HIVEP2: variants seen among roughly 807,000 people sequenced by gnomAD.
HIVEP2 encodes HIVEP zinc finger 2.
HIVEP2 carries 14 observed loss-of-function variants against 180.7 expected under a neutral mutation model. The ratio of observed to expected loss-of-function variants is 0.08; its 90% CI spans 0.05 to 0.12. The LOEUF (loss-of-function observed/expected upper bound fraction) is 0.12, where lower values mean the gene tolerates loss of function less well. Ranked by LOEUF, HIVEP2 falls within the 10% of genes least tolerant of loss-of-function variation. HIVEP2 has a pLI of 1.00. For synonymous variants in HIVEP2, 1,184 were observed against 1,136.4 expected, an observed-to-expected ratio of 1.04 and a Z score of -0.84; for missense variants, 2,579 against 3,008.5, an observed-to-expected ratio of 0.86 and a Z score of 3.34.
chr6:142,820,188 C>T (rs1194662822), intron 2 of HIVEP2, among the ~76,000 whole-genome samples: 1 of 152,146 alleles, frequency 6.6e-6, no homozygotes, highest in African/African-American at 2.4e-5. Flanking sequence ...TATTACTGAT[C>T]TAACCTTCAT....
rs374054310 is a variant in HIVEP2 at position 142,911,114 on chromosome 6, T to C, written c.-641+33985A>G. Among the ~76,000 whole-genome samples the C allele has an allele frequency of 1.5e-3, 183 of 119,294 alleles. 1 individual carries two copies. The South Asian group carries it at 0.043, about 28-fold the overall frequency. 78.3% of individuals were successfully genotyped at this position (119,294 alleles called of 152,430 possible). A position where few individuals can be genotyped will look rare whatever the true frequency, so the allele number is the denominator to read the frequency against. On this transcript the variant is annotated intron_variant, in intron 1 of 9. Transcript: ENST00000367603. Reference sequence around the variant, plus strand: ...TCTACCCAGAGAGTTTCCACTTTAATATGGAAGACAAAGCACAAACACATT... The same window carrying C: ...TCTACCCAGAGAGTTTCCACTTTAACATGGAAGACAAAGCACAAACACATT...
chr6:142,776,712 T>C (rs1411777419), intron 3 of HIVEP2, among the ~76,000 whole-genome samples: 1 of 152,102 alleles, frequency 6.6e-6, no homozygotes, highest in East Asian at 1.9e-4. Flanking sequence ...TTGTATTTTG[T>C]TGTAGAGATG....
chr6:142,924,014 GTCT>G (rs1306162714), intron 1 of HIVEP2, among the ~76,000 whole-genome samples: 1 of 152,188 alleles, frequency 6.6e-6, no homozygotes, highest in African/African-American at 2.4e-5. Context: ...TTTGCTAAAT[GTCT>G]TCTTTTATAA....
rs538609269 is a variant in HIVEP2 at position 142,875,257 on chromosome 6, A to G, written c.-640-38210T>C. On this transcript the variant is annotated intron_variant, in intron 1 of 9. Transcript: ENST00000367603. Reference sequence around the variant, plus strand: ...TGCCAGCAGGAAAAGCAGTAAGTGCAAAGACAGGGACAAAAACAAGCTCAG... The same window carrying G: ...TGCCAGCAGGAAAAGCAGTAAGTGCGAAGACAGGGACAAAAACAAGCTCAG... Among the ~76,000 whole-genome samples, 135 of 152,192 alleles carry G rather than the reference A, an allele frequency of 8.9e-4. 1 individual carries two copies. Among genetic ancestry groups the G allele is most frequent in the Non-Finnish European group, 9.3e-4 (63 of 68,032 alleles).
rs553530964 is a variant in HIVEP2, at chr6:142,889,577, T to C, written c.-640-52530A>G. On this transcript the variant is annotated intron_variant, in intron 1 of 9. Transcript: ENST00000367603. ...AATCAAAGAAAACTGAATTCAACAA[T>C]AGTCTTATCAAATCTTAGGCAATTA... 4.6e-5 allele frequency among the ~76,000 whole-genome samples: 7 copies of C among 152,224 alleles called. No homozygotes were observed. In the East Asian group the frequency reaches 1.4e-3, roughly 29 times the overall value.
In HIVEP2 at chr6:142,792,932, A is replaced by C. The variant is rs989040398; in HGVS notation, c.-527-9317T>G. Reference sequence around the variant, plus strand: ...AAAAGAAACTGAGGAGTCCCTTCTTAATATCTCAGAAAAGTAGAAGGTGAG... The same window carrying C: ...AAAAGAAACTGAGGAGTCCCTTCTTCATATCTCAGAAAAGTAGAAGGTGAG... On this transcript the variant is annotated intron_variant, in intron 2 of 9. Transcript: ENST00000367603. Among the ~76,000 whole-genome samples, 46 of 152,212 alleles carry C rather than the reference A, an allele frequency of 3.0e-4. 1 individual carries two copies. Among genetic ancestry groups the C allele is most frequent in the South Asian group, 2.3e-3 (11 of 4,826 alleles).
chr6:142,826,325 C>T (rs1346814310), intron 2 of HIVEP2, among the ~76,000 whole-genome samples: 2 of 152,162 alleles, frequency 1.3e-5, no homozygotes, highest in Non-Finnish European at 2.9e-5. Context: ...TATCACTACA[C>T]TCAGGTTTAC....
chr6:142,813,068 T>C (rs1055267833), intron 2 of HIVEP2, among the ~76,000 whole-genome samples: 1 of 152,166 alleles, frequency 6.6e-6, no homozygotes, highest in Non-Finnish European at 1.5e-5. Flanking sequence ...AAAAAAAGTG[T>C]TTATTTTTGT....
chr6:142,763,837 C>A (rs1487141827), intron 7 of HIVEP2, among the ~76,000 whole-genome samples: 2 of 152,092 alleles, frequency 1.3e-5, no homozygotes, highest in Non-Finnish European at 2.9e-5. Context: ...TTACATAGAT[C>A]TTTTTAATAA....
chr6:142,918,374 CA>C (rs1418281342), intron 1 of HIVEP2, among the ~76,000 whole-genome samples: 4 of 152,148 alleles, frequency 2.6e-5, no homozygotes, highest in African/African-American at 9.7e-5. Flanking sequence ...TAAACGAACT[CA>C]AGAGTTAAAA....
intron 2 of HIVEP2, among the ~76,000 whole-genome samples, chr6:142,804,471 G>C (rs1048469686): frequency 6.6e-6 from 1 of 151,952 alleles, no homozygotes; most frequent in Non-Finnish European, 1.5e-5. Context: ...GCTTGCTGAA[G>C]ACAAGAAAGA....
Position 142,773,223 on chromosome 6 carries a change from G to C in HIVEP2, c.1516C>G (p.Gln506Glu). 1 of 1,614,160 alleles carries C rather than the reference G, an allele frequency of 6.2e-7. No homozygotes were observed. The highest frequency in any genetic ancestry group is 8.5e-7 in the Non-Finnish European group (1 of 1,180,006). ...TKFNSESRQPQIIPSSIRNEG... is the reference protein window; with the variant it reads ...TKFNSESRQPEIIPSSIRNEG... ...TTCCTGATAGATGATGGAATAATCT[G>C]GGGTTGTCTGGACTCACTGTTGAAC... The change falls in exon 5 of 10, where the codon CAG (glutamine) becomes GAG (glutamate). Residue 506 changes from glutamine to glutamate, a missense_variant. Physicochemically the swap from Gln to Glu is conservative, Grantham distance 29. Transcript: ENST00000367603.
chr6:142,842,912 T>A (rs1386978560), intron 1 of HIVEP2, among the ~76,000 whole-genome samples: 1 of 152,080 alleles, frequency 6.6e-6, no homozygotes, highest in African/African-American at 2.4e-5. Context: ...CTGGCCACAT[T>A]TAAACATGAT....
intron 1 of HIVEP2, among the ~76,000 whole-genome samples, chr6:142,902,059 G>A (rs949147841): frequency 6.6e-5 from 10 of 152,072 alleles, no homozygotes; most frequent in Non-Finnish European, 1.3e-4. Context: ...CCACACCAAA[G>A]TCAATCAATC....
Position 142,770,769 on chromosome 6 carries a change from C to A in HIVEP2, c.3970G>T (p.Gly1324Trp), listed in dbSNP as rs1297751916. The A allele has an allele frequency of 6.2e-7, 1 of 1,614,208 alleles. No homozygotes were observed. Among genetic ancestry groups the A allele is most frequent in the Admixed American group, 1.7e-5 (1 of 60,030 alleles). ...LQEDFASANA[G>W]SLQSLPGTVV... Reference sequence around the variant, plus strand: ...GTTCCTGGGAGGGACTGCAAAGACCCAGCATTTGCCGAGGCAAAATCTTCT... The same window carrying A: ...GTTCCTGGGAGGGACTGCAAAGACCAAGCATTTGCCGAGGCAAAATCTTCT... Residue 1324 changes from glycine to tryptophan, a missense_variant, in exon 5 of 10, where the codon GGG (glycine) becomes TGG (tryptophan). This residue lies in a region of HIVEP2 where 523 missense variants were observed against 577.0 expected (regional missense o/e 0.91). Coordinates refer to ENST00000367603, the MANE Select transcript of HIVEP2 (RefSeq NM_006734.4). This position sits in a 1 kb window ranked among gnomAD's most constrained non-coding sequence, Gnocchi z 4.7.
At chr6:142,851,762 CATA>C (rs1308846405) in intron 1 of HIVEP2, among the ~76,000 whole-genome samples, 1 of 152,224 alleles carries the variant, frequency 6.6e-6, no homozygotes, top group Non-Finnish European at 1.5e-5. Flanking sequence ...CAGTTCTAGT[CATA>C]ATGATTCTGA....
At position 142,774,601 on chromosome 6, in the gene HIVEP2, C is replaced by A. The variant is rs760270683; in HGVS notation, c.138G>T (p.Arg46=). The part of the protein sequence containing the change: ...MSTFGSHEGQ[R]QPQIEPEQIG... The stretch of plus-strand genomic sequence containing the variant: ...TTTGCTCAGGCTCTATTTGTGGTTG[C>A]CGCTGTCCTTCATGACTGCCAAAAG... Residue 46 remains arginine, a synonymous_variant, in exon 5 of 10, where the codon CGG becomes CGT. Transcript: ENST00000367603. The surrounding 1 kb of genome is among the most constrained non-coding windows in gnomAD (Gnocchi z 5.1). 3.7e-6 allele frequency: 6 copies of A among 1,614,210 alleles called. No individual in the cohort carries two copies. Among genetic ancestry groups the A allele is most frequent in the Non-Finnish European group, 4.2e-6 (5 of 1,180,038 alleles).
At chr6:142,850,389 T>C (rs1775617581) in intron 1 of HIVEP2, among the ~76,000 whole-genome samples, 1 of 152,216 alleles carries the variant, frequency 6.6e-6, no homozygotes, top group African/African-American at 2.4e-5. Context: ...GAGTCTTTAA[T>C]TGAAGGAATA....
intron 1 of HIVEP2, among the ~76,000 whole-genome samples, chr6:142,913,179 G>T: frequency 6.6e-6 from 1 of 152,182 alleles, no homozygotes; most frequent in East Asian, 1.9e-4. Flanking sequence ...TCAAAAAGTT[G>T]TATCAATTCA....
Sources: allele counts gnomAD v4.1 joint callset (sites outside exome capture counted in the v4.1 genomes callset), GRCh38; gene constraint gnomAD v4.1.1; regional missense constraint gnomAD v4.1.1; non-coding constraint Gnocchi (gnomAD v3.1); transcripts MANE v1.5; gene names NCBI Gene and HGNC (gene_info 2026-07-23, HGNC 2026-07-21).